The following TTLL5 variants were observed in gnomAD, a reference collection of about 807,000 sequenced individuals.
TTLL5 encodes the protein tubulin tyrosine ligase like 5.
A neutral mutation model predicts 168.4 loss-of-function variants in TTLL5; 132 were observed. The observed-to-expected ratio is 0.78, with a 90% CI of 0.68 to 0.91. The LOEUF (loss-of-function observed/expected upper bound fraction) is 0.91, where lower values mean the gene tolerates loss of function less well. Among genes scored for constraint, TTLL5 ranks in the 40% least tolerant of loss-of-function variants. TTLL5 has a pLI of 0.00. For synonymous variants in TTLL5, 546 were observed against 558.6 expected (o/e 0.98, Z 0.32); for missense variants, 1,545 against 1,581.5 (o/e 0.98, Z 0.39).
At chr14:75,825,415 C>T (rs1895065350) in intron 28 of TTLL5, among the ~76,000 whole-genome samples, 2 of 152,050 alleles carry the variant, frequency 1.3e-5, no homozygotes, top group Admixed American at 6.6e-5. Context: ...TTTTCTTTGA[C>T]CCCTTGGTTG....
chr14:75,714,884 A>G (rs753252716), intron 9 of TTLL5, among the ~76,000 whole-genome samples: 1 of 152,206 alleles, frequency 6.6e-6, no homozygotes, highest in African/African-American at 2.4e-5. Context: ...GGCCATGAGC[A>G]GAGTTAGGAA....
intron 27 of TTLL5, among the ~76,000 whole-genome samples, chr14:75,807,264 A>G (rs1175413120): frequency 1.3e-5 from 2 of 152,138 alleles, no homozygotes; most frequent in Non-Finnish European, 2.9e-5. Flanking sequence ...CCTGGGGAAC[A>G]TGGCAAAACC....
At chr14:75,869,141 T>C (rs1385106253) in intron 29 of TTLL5, among the ~76,000 whole-genome samples, 1 of 152,018 alleles carries the variant, frequency 6.6e-6, no homozygotes, top group African/African-American at 2.4e-5. Flanking sequence ...TGGTTGGTTC[T>C]TTTGTTCTAT....
chr14:75,854,365 C>T (rs1474562668), intron 28 of TTLL5, among the ~76,000 whole-genome samples: 7 of 152,114 alleles, frequency 4.6e-5, no homozygotes, highest in South Asian at 4.1e-4. Context: ...GCAGTTCATT[C>T]GTTTTTATTG....
At chr14:75,882,961 CTT>C in intron 30 of TTLL5, 59 bp downstream of exon 30, 2 of 1,541,880 alleles carry the variant, frequency 1.3e-6, no homozygotes, top group Admixed American at 1.8e-5. Context: ...TAATAGTACT[CTT>C]TATTTATTAC....
intron 27 of TTLL5, among the ~76,000 whole-genome samples, chr14:75,798,081 C>G (rs1250428255): frequency 6.6e-6 from 1 of 151,872 alleles, no homozygotes; most frequent in Non-Finnish European, 1.5e-5. Flanking sequence ...TCCTGGACTT[C>G]TTTTTATTGG....
chr14:75,870,995 T>A (rs1031698767), intron 29 of TTLL5, among the ~76,000 whole-genome samples: 1 of 152,046 alleles, frequency 6.6e-6, no homozygotes, highest in African/African-American at 2.4e-5. Context: ...AGGGTTTCAC[T>A]GTGTTAGCCA....
intron 5 of TTLL5, among the ~76,000 whole-genome samples, chr14:75,688,037 G>T (rs573895856): frequency 5.3e-5 from 8 of 152,272 alleles, no homozygotes; most frequent in Non-Finnish European, 1.0e-4. Context: ...TATGTAGTTA[G>T]TCTTCCTCGT....
At chr14:75,712,453 A>G (rs1312589638) in intron 9 of TTLL5, 2 of 142,802 alleles carry the variant, frequency 1.4e-5, no homozygotes, top group Non-Finnish European at 3.0e-5. Flanking sequence ...GACTCTGACC[A>G]TAAGAAGATA....
intron 9 of TTLL5, chr14:75,709,209 G>A (rs755241720): frequency 2.6e-6 from 2 of 762,158 alleles, no homozygotes. Context: ...GAAATACCAT[G>A]GATAAAAGAA....
At chr14:75,901,418 C>T (rs370511617) in intron 30 of TTLL5, among the ~76,000 whole-genome samples, 40 of 152,296 alleles carry the variant, frequency 2.6e-4, no homozygotes, top group South Asian at 1.0e-3. Flanking sequence ...AGACATATGG[C>T]TAGGGAACCT....
rs534311883 is a variant in TTLL5 at position 75,790,508 on chromosome 14, G to A, written c.2987-2408G>A. ...TTAATTTGAGACAGGGTCTCACTCT[G>A]TCACCCAGGCTGGAGTTTAGTGGTG... On this transcript the variant is annotated intron_variant, in intron 26 of 31. Coordinates refer to ENST00000298832, the MANE Select transcript of TTLL5 (RefSeq NM_015072.5). Among the ~76,000 whole-genome samples the A allele has an allele frequency of 4.4e-3, 666 of 149,792 alleles. 2 individuals are homozygous for A. Among genetic ancestry groups the A allele is most frequent in the Middle Eastern group, 0.014 (4 of 294 alleles).
chr14:75,733,211 T>C (rs1888654897), intron 13 of TTLL5, among the ~76,000 whole-genome samples: 1 of 152,222 alleles, frequency 6.6e-6, no homozygotes, highest in Non-Finnish European at 1.5e-5. Context: ...TATGCAACTT[T>C]CGTCAAGTCA....
At position 75,663,495 on chromosome 14, in the gene TTLL5, G is replaced by A. The variant is rs1387323623; in HGVS notation, c.74+272G>A. Among the ~76,000 whole-genome samples the A allele has an allele frequency of 2.6e-5, 4 of 152,288 alleles. No homozygotes were observed. In the East Asian group the frequency reaches 5.8e-4, roughly 22 times the overall value. ...CAGCTCTAGATGTTGTAAAATGCAA[G>A]TAGTAGCTCTTGGTGAACTCTTGCT... On this transcript the variant is annotated intron_variant, in intron 2 of 31. Transcript: ENST00000298832.
At chr14:75,900,818 C>A (rs1029534787) in intron 30 of TTLL5, among the ~76,000 whole-genome samples, 2 of 152,224 alleles carry the variant, frequency 1.3e-5, no homozygotes, top group African/African-American at 4.8e-5. Context: ...CTGTTCTCAT[C>A]ATCTAAACCA....
intron 15 of TTLL5, chr14:75,737,700 T>A (rs1888995839): frequency 1.6e-6 from 2 of 1,279,076 alleles, no homozygotes; most frequent in Non-Finnish European, 2.1e-6. Flanking sequence ...GGTACATATT[T>A]TTATGTACCT....
At position 75,745,104 on chromosome 14, in the gene TTLL5, C is replaced by G. The variant is rs750993500; in HGVS notation, c.1291C>G (p.Pro431Ala). 5.0e-6 allele frequency: 8 copies of G among 1,613,644 alleles called. No homozygotes were observed. Among genetic ancestry groups the G allele is most frequent in the Non-Finnish European group, 6.8e-6 (8 of 1,179,826 alleles). Residue 431 changes from proline (P) to alanine (A), a missense_variant, in exon 16 of 32, where the codon CCA becomes GCA. Pro to Ala is a conservative substitution (Grantham distance 27, BLOSUM62 -1). Transcript: ENST00000298832. ...NPFQKPQRCR[P>A]LSASDAEMKN... is the part of the protein sequence containing the mutation. ...ATTTTCTTCTCCTTAGCGTTGCCGT[C>G]CACTCTCTGCCAGTGATGCGGAAAT...
At chr14:75,663,649 A>C (rs1429134016) in intron 2 of TTLL5, among the ~76,000 whole-genome samples, 2 of 152,220 alleles carry the variant, frequency 1.3e-5, no homozygotes, top group African/African-American at 4.8e-5. Flanking sequence ...GGTAATATAG[A>C]GAGGTCAGGT....
chr14:75,747,056 G>T (rs1407499264), intron 17 of TTLL5, among the ~76,000 whole-genome samples: 1 of 151,520 alleles, frequency 6.6e-6, no homozygotes, highest in South Asian at 2.1e-4. Context: ...TGGGACTCTG[G>T]TTACATGTTA....
Sources: gnomAD v4.1 joint callset for allele counts (sites outside exome capture counted in the v4.1 genomes callset) on GRCh38, gnomAD v4.1.1 for gene constraint, MANE v1.5 for transcripts, NCBI Gene and HGNC (gene_info 2026-07-23, HGNC 2026-07-21) for gene names.